FSTL5: variants seen among roughly 807,000 people sequenced by gnomAD.
FSTL5 encodes the protein follistatin like 5, also known as follistatin-related protein 5.
A neutral mutation model predicts 89.1 loss-of-function variants in FSTL5; 62 were observed. That is an observed-to-expected ratio of 0.70 (90% CI 0.57 to 0.86). The LOEUF is 0.86. Ranked by LOEUF, FSTL5 falls within the 40% of genes least tolerant of loss-of-function variation. The pLI, the probability that FSTL5 is intolerant of heterozygous loss-of-function variation, is 0.00. For missense variants in FSTL5, 1,057 were observed against 1,001.6 expected (o/e 1.06, Z -0.75); for synonymous variants, 383 against 346.2 (o/e 1.11, Z -1.18).
intron 4 of FSTL5, among the ~76,000 whole-genome samples, chr4:161,800,992 A>G (rs1426241113): frequency 6.6e-6 from 1 of 151,582 alleles, no homozygotes; most frequent in Non-Finnish European, 1.5e-5. Context: ...TGGAAGTACT[A>G]GGAACCATGA....
At chr4:161,696,724 G>C (rs1313346698) in intron 6 of FSTL5, among the ~76,000 whole-genome samples, 1 of 152,070 alleles carries the variant, frequency 6.6e-6, no homozygotes, top group Non-Finnish European at 1.5e-5. Flanking sequence ...GTAAAAGGGG[G>C]TTGAGCTCTT....
chr4:162,046,360 A>C (rs1738177517), intron 2 of FSTL5, among the ~76,000 whole-genome samples: 1 of 152,126 alleles, frequency 6.6e-6, no homozygotes, highest in Admixed American at 6.6e-5. Context: ...CTCCAAGCGA[A>C]ACTGTTACTT....
intron 4 of FSTL5, among the ~76,000 whole-genome samples, chr4:161,917,880 A>C (rs141552444): frequency 5.9e-5 from 9 of 152,112 alleles, no homozygotes; most frequent in Admixed American, 1.3e-4. Context: ...TGTGACCTGG[A>C]TTTGGCCAAT....
intron 6 of FSTL5, among the ~76,000 whole-genome samples, chr4:161,696,100 T>G (rs1738155335): frequency 6.6e-6 from 1 of 152,326 alleles, no homozygotes; most frequent in Non-Finnish European, 1.5e-5. Flanking sequence ...AGGTCTTAGG[T>G]TTAAGTCATT....
chr4:161,526,748 G>C (rs1731233641), intron 10 of FSTL5, among the ~76,000 whole-genome samples: 1 of 152,178 alleles, frequency 6.6e-6, no homozygotes, highest in Admixed American at 6.5e-5. Flanking sequence ...TCAAAAATCA[G>C]ATAGTTGTAG....
At chr4:161,657,226 A>T (rs1379464937) in intron 6 of FSTL5, among the ~76,000 whole-genome samples, 1 of 152,194 alleles carries the variant, frequency 6.6e-6, no homozygotes, top group Non-Finnish European at 1.5e-5. Flanking sequence ...ACCAATTAGG[A>T]GAATTATCAA....
chr4:161,813,702 G>T (rs1313440553), intron 4 of FSTL5, among the ~76,000 whole-genome samples: 1 of 152,038 alleles, frequency 6.6e-6, no homozygotes, highest in Non-Finnish European at 1.5e-5. Flanking sequence ...TCTAAATGAC[G>T]TCCTTGAAAA....
At chr4:161,474,369 AC>A (rs1490320427) in intron 13 of FSTL5, among the ~76,000 whole-genome samples, 1 of 152,214 alleles carries the variant, frequency 6.6e-6, no homozygotes, top group Non-Finnish European at 1.5e-5. Flanking sequence ...AATCAAAGTT[AC>A]AATAATAATA....
chr4:161,639,010 G>T (rs1025025736), intron 7 of FSTL5, among the ~76,000 whole-genome samples: 14 of 150,402 alleles, frequency 9.3e-5, no homozygotes, highest in Non-Finnish European at 3.0e-5. Flanking sequence ...AAAATAATAA[G>T]AGCTATCTAT....
At chr4:161,954,809 AAAAT>A (rs1177658917) in intron 3 of FSTL5, among the ~76,000 whole-genome samples, 5 of 151,862 alleles carry the variant, frequency 3.3e-5, no homozygotes, top group East Asian at 3.9e-4. Context: ...TAGCAAATTA[AAAAT>A]AAATAATCAT....
At chr4:162,037,849 T>A (rs1480342012) in intron 2 of FSTL5, among the ~76,000 whole-genome samples, 1 of 151,984 alleles carries the variant, frequency 6.6e-6, no homozygotes, top group Non-Finnish European at 1.5e-5. Flanking sequence ...AAATAATAAC[T>A]GTTCCAATTT....
chr4:161,534,643 A>G (rs1348564697), intron 10 of FSTL5, among the ~76,000 whole-genome samples: 1 of 152,158 alleles, frequency 6.6e-6, no homozygotes, highest in Admixed American at 6.6e-5. Context: ...TAAAATGGCC[A>G]TACTATCCAA....
chr4:161,918,902 G>A (rs577766386), intron 4 of FSTL5, among the ~76,000 whole-genome samples: 8 of 152,006 alleles, frequency 5.3e-5, no homozygotes, highest in South Asian at 2.1e-4. Context: ...CTTGGCCTCC[G>A]AAAGTGCTGG....
At chr4:162,075,165 A>G (rs1729786510) in intron 2 of FSTL5, among the ~76,000 whole-genome samples, 1 of 151,798 alleles carries the variant, frequency 6.6e-6, no homozygotes, top group Non-Finnish European at 1.5e-5. Context: ...AGCTTTCCCT[A>G]GGATGTGTCC....
intron 1 of FSTL5, among the ~76,000 whole-genome samples, chr4:162,154,763 T>C (rs896749614): frequency 6.6e-6 from 1 of 152,116 alleles, no homozygotes. Flanking sequence ...TAAAATCCAA[T>C]GTGGATCAAT....
In FSTL5 at chr4:161,385,383, A is replaced by G. The variant is rs1730582610; in HGVS notation, c.*364T>C. The G allele has an allele frequency of 5.6e-6, 1 of 178,678 alleles. No individual in the cohort carries two copies. Among genetic ancestry groups the G allele is most frequent in the Admixed American group, 5.5e-5 (1 of 18,076 alleles). 11.1% of individuals were successfully genotyped at this position (178,678 alleles called of 1,614,324 possible). On this transcript the variant is annotated 3_prime_UTR_variant, in exon 16 of 16. Coordinates refer to ENST00000306100, the MANE Select transcript of FSTL5 (RefSeq NM_020116.5). Reference sequence around the variant, plus strand: ...TCTTGTTTAATCATACCAAAAGGACAGAGAAAAAAAATAAACTACCCTCAA... The same window carrying G: ...TCTTGTTTAATCATACCAAAAGGACGGAGAAAAAAAATAAACTACCCTCAA...
At chr4:161,928,245 T>C (rs1182375880) in intron 3 of FSTL5, among the ~76,000 whole-genome samples, 1 of 151,816 alleles carries the variant, frequency 6.6e-6, no homozygotes, top group African/African-American at 2.4e-5. Context: ...CTAGCTCATT[T>C]CTCTTAACTG....
In FSTL5 at chr4:161,990,056, T is replaced by C. The variant is rs1736069174; in HGVS notation, c.160+43569A>G. ...AATTTACATGCATAGGAAATAACTT[T>C]GTAAAATCTATTTCCAGCATTTTAA... On this transcript the variant is annotated intron_variant, in intron 3 of 15. Coordinates refer to ENST00000306100, the MANE Select transcript of FSTL5 (RefSeq NM_020116.5). Among the ~76,000 whole-genome samples, 4 of 152,290 alleles carry C rather than the reference T, an allele frequency of 2.6e-5. 1 individual carries two copies. Among genetic ancestry groups the C allele is most frequent in the African/African-American group, 9.6e-5 (4 of 41,572 alleles).
intron 4 of FSTL5, among the ~76,000 whole-genome samples, chr4:161,778,420 A>G (rs1036324921): frequency 1.4e-4 from 21 of 152,208 alleles, no homozygotes; most frequent in Admixed American, 4.6e-4. Flanking sequence ...AGCATGTACA[A>G]TTTTAAAAGA....
Sources: gnomAD v4.1 joint callset for allele counts (sites outside exome capture counted in the v4.1 genomes callset) on GRCh38, gnomAD v4.1.1 for gene constraint, MANE v1.5 for transcripts, NCBI Gene and HGNC (gene_info 2026-07-23, HGNC 2026-07-21) for gene names.